Variants in CRPPA observed in about 807,000 individuals in gnomAD.
CRPPA encodes the protein D-ribitol-5-phosphate cytidylyltransferase.
Under a neutral mutation model 52.0 loss-of-function variants are expected in CRPPA, and 43 were observed. The observed-to-expected ratio is 0.83, with a 90% confidence interval of 0.65 to 1.07. The LOEUF (loss-of-function observed/expected upper bound fraction) is 1.07, where lower values mean the gene tolerates loss of function less well. Among genes scored for constraint, CRPPA ranks in the 50% least tolerant of loss-of-function variants. CRPPA has a pLI of 0.00. For missense variants in CRPPA, 629 were observed against 551.7 expected, an observed-to-expected ratio of 1.14 and a Z score of -1.40; for synonymous variants, 250 against 203.5, an observed-to-expected ratio of 1.23 and a Z score of -1.94.
chr7:16,168,089 A>G (rs1418110290), intron 9 of CRPPA, among the ~76,000 whole-genome samples: 1 of 152,218 alleles, frequency 6.6e-6, no homozygotes, highest in Non-Finnish European at 1.5e-5. Context: ...GCAATTGATT[A>G]TGGTCACCAA....
At chr7:16,314,133 T>C (rs1441525113) in intron 3 of CRPPA, among the ~76,000 whole-genome samples, 2 of 151,694 alleles carry the variant, frequency 1.3e-5, no homozygotes, top group African/African-American at 4.9e-5. Context: ...GATTTACCTA[T>C]CTCTTCTTGC....
At chr7:16,324,280 A>G (rs987369242) in intron 3 of CRPPA, among the ~76,000 whole-genome samples, 1 of 152,198 alleles carries the variant, frequency 6.6e-6, no homozygotes, top group Non-Finnish European at 1.5e-5. Context: ...ACAGCTGCAG[A>G]CTGGTGAGCC....
intron 9 of CRPPA, among the ~76,000 whole-genome samples, chr7:16,160,181 T>A (rs2128381671): frequency 6.6e-6 from 1 of 152,346 alleles, no homozygotes; most frequent in East Asian, 1.9e-4. Context: ...TTAGATCCCA[T>A]TTGTCAATAT....
intron 3 of CRPPA, among the ~76,000 whole-genome samples, chr7:16,353,648 G>C (rs1444592544): frequency 6.6e-6 from 1 of 152,100 alleles, no homozygotes; most frequent in African/African-American, 2.4e-5. Flanking sequence ...TCAGGAGTTT[G>C]AGACCAGCCT....
At chr7:16,200,074 T>A (rs531359000) in intron 9 of CRPPA, among the ~76,000 whole-genome samples, 3 of 152,194 alleles carry the variant, frequency 2.0e-5, no homozygotes, top group African/African-American at 7.2e-5. Flanking sequence ...GCCAGGTTGG[T>A]CTCAAACTCC....
chr7:16,335,675 T>C (rs1175538381), intron 3 of CRPPA, among the ~76,000 whole-genome samples: 1 of 151,982 alleles, frequency 6.6e-6, no homozygotes, highest in African/African-American at 2.4e-5. Context: ...TAATAGGAGT[T>C]CCTGAAAGAG....
rs575805426 is a variant in CRPPA at position 16,322,540 on chromosome 7, G to A, written c.685-13913C>T. ...AAAATAAGAAAATCCTGAGGGTGTAGATGAAATCCAGGGCTCTGGAGGCCA... is the reference window on the plus strand; with the variant it reads ...AAAATAAGAAAATCCTGAGGGTGTAAATGAAATCCAGGGCTCTGGAGGCCA... On this transcript the variant is annotated intron_variant, in intron 3 of 9. Transcript: ENST00000407010. Among the ~76,000 whole-genome samples the A allele has an allele frequency of 1.7e-3, 260 of 152,264 alleles. 1 individual carries two copies. Among genetic ancestry groups the A allele is most frequent in the African/African-American group, 5.9e-3 (247 of 41,552 alleles).
intron 1 of CRPPA, among the ~76,000 whole-genome samples, chr7:16,411,177 C>G (rs1020295732): frequency 5.3e-5 from 8 of 152,172 alleles, no homozygotes; most frequent in African/African-American, 1.9e-4. Context: ...ATATCCATAT[C>G]AGCTCTATAA....
At chr7:16,107,419 G>A (rs1000846067) in intron 9 of CRPPA, among the ~76,000 whole-genome samples, 2 of 152,032 alleles carry the variant, frequency 1.3e-5, no homozygotes, top group Non-Finnish European at 2.9e-5. Flanking sequence ...ACTATAAGCA[G>A]ATTTCTCAGC....
At chr7:16,306,366 T>C (rs896558530) in intron 4 of CRPPA, among the ~76,000 whole-genome samples, 1 of 152,178 alleles carries the variant, frequency 6.6e-6, no homozygotes, top group African/African-American at 2.4e-5. Context: ...CTGATATTTG[T>C]TGCACATAAA....
intron 3 of CRPPA, among the ~76,000 whole-genome samples, chr7:16,340,824 T>C (rs1429224717): frequency 6.6e-6 from 1 of 152,152 alleles, no homozygotes; most frequent in East Asian, 1.9e-4. Context: ...AGCAGTTTTA[T>C]TTATAATTTC....
intron 2 of CRPPA, among the ~76,000 whole-genome samples, chr7:16,383,868 G>A (rs895542687): frequency 6.6e-6 from 1 of 152,218 alleles, no homozygotes; most frequent in Non-Finnish European, 1.5e-5. Flanking sequence ...ATTAGGGTGG[G>A]AGTGACCCAA....
intron 2 of CRPPA, among the ~76,000 whole-genome samples, chr7:16,391,668 G>T (rs1230542607): frequency 6.6e-6 from 1 of 152,142 alleles, no homozygotes; most frequent in Middle Eastern, 3.2e-3. Context: ...TAGTAGCTTA[G>T]GTACTAGACA....
intron 8 of CRPPA, among the ~76,000 whole-genome samples, chr7:16,220,804 C>T (rs146824723): frequency 0.044 from 6,660 of 152,074 alleles, 188 homozygotes; most frequent in Middle Eastern, 0.065. Flanking sequence ...AGGATACAAA[C>T]AAATGGAAGA....
At chr7:16,315,198 A>T (rs540870725) in intron 3 of CRPPA, among the ~76,000 whole-genome samples, 58 of 152,120 alleles carry the variant, frequency 3.8e-4, no homozygotes, top group Middle Eastern at 6.8e-3. Flanking sequence ...AGTGTTTCTG[A>T]TCTCCAGCAT....
In CRPPA at chr7:16,133,938, C is replaced by T. The variant is rs1782719618; in HGVS notation, c.1252-42139G>A. Among the ~76,000 whole-genome samples, 2 of 121,462 alleles carry T rather than the reference C, an allele frequency of 1.6e-5. 1 individual carries two copies. The highest frequency in any genetic ancestry group is 5.3e-5 in the African/African-American group (2 of 37,810). 79.7% of individuals were successfully genotyped at this position (121,462 alleles called of 152,430 possible). A position where few individuals can be genotyped will look rare whatever the true frequency, so the allele number is the denominator to read the frequency against. ...TTCTTAACATCATCCTTATGATTTT[C>T]TTTTTTTTTCCGAGATGGAGTCTCG... is the stretch of plus-strand genomic sequence containing the variant. On this transcript the variant is annotated intron_variant, in intron 9 of 9. Coordinates refer to ENST00000407010, the MANE Select transcript of CRPPA (RefSeq NM_001101426.4).
chr7:16,230,521 C>T (rs757212490), intron 8 of CRPPA, among the ~76,000 whole-genome samples: 55 of 152,058 alleles, frequency 3.6e-4, no homozygotes, highest in Non-Finnish European at 5.6e-4. Flanking sequence ...GATTATATTT[C>T]ACATTCTGGT....
intron 2 of CRPPA, among the ~76,000 whole-genome samples, chr7:16,401,068 C>G (rs75857557): frequency 0.02 from 3,030 of 152,282 alleles, 94 homozygotes; most frequent in African/African-American, 0.069. Flanking sequence ...TGGCCACCTG[C>G]TTGAACTCAA....
intron 9 of CRPPA, among the ~76,000 whole-genome samples, chr7:16,163,468 C>A (rs1170426584): frequency 6.6e-6 from 1 of 152,026 alleles, no homozygotes; most frequent in East Asian, 1.9e-4. Context: ...ACTCTTTATC[C>A]AATTTGCCAG....
Sources: gnomAD v4.1 joint callset for allele counts (sites outside exome capture counted in the v4.1 genomes callset) on GRCh38, gnomAD v4.1.1 for gene constraint, MANE v1.5 for transcripts, NCBI Gene and HGNC (gene_info 2026-07-23, HGNC 2026-07-21) for gene names.